KIAA1328: variants seen among roughly 807,000 people sequenced by gnomAD.
The protein encoded by KIAA1328 is KIAA1328.
In KIAA1328, 52 loss-of-function variants were observed where a neutral mutation model predicts 68.1. The ratio of observed to expected loss-of-function variants is 0.76; its 90% CI spans 0.61 to 0.96. KIAA1328 has a LOEUF of 0.96. Ranked by LOEUF, KIAA1328 falls within the 40% of genes least tolerant of loss-of-function variation. The probability of loss-of-function intolerance (pLI) is 0.00; values close to 1 mark genes in which losing one functional copy is unlikely to be tolerated. For missense variants in KIAA1328, 641 were observed against 677.6 expected, an observed-to-expected ratio of 0.95 and a Z score of 0.60; for synonymous variants, 232 against 239.4, an observed-to-expected ratio of 0.97 and a Z score of 0.28.
At chr18:37,200,276 C>A (rs999350997) in intron 9 of KIAA1328, among the ~76,000 whole-genome samples, 2 of 152,190 alleles carry the variant, frequency 1.3e-5, no homozygotes, top group African/African-American at 4.8e-5. Context: ...CGGGCTGATA[C>A]AAAGTTGTTT....
chr18:37,097,474 C>T (rs1193331615), intron 7 of KIAA1328, among the ~76,000 whole-genome samples: 2 of 152,164 alleles, frequency 1.3e-5, no homozygotes, highest in Admixed American at 6.5e-5. Context: ...TTGGTTACTG[C>T]AGCCTTGTAG....
intron 6 of KIAA1328, among the ~76,000 whole-genome samples, chr18:37,010,313 G>T (rs934343227): frequency 1.3e-5 from 2 of 151,602 alleles, no homozygotes; most frequent in Non-Finnish European, 2.9e-5. Context: ...TATGGTGGCA[G>T]GCACCTGTAG....
intron 5 of KIAA1328, among the ~76,000 whole-genome samples, chr18:36,920,739 C>G (rs926120904): frequency 6.6e-6 from 1 of 152,172 alleles, no homozygotes; most frequent in Non-Finnish European, 1.5e-5. Context: ...TGTGTGAACT[C>G]TGGCAGTTGT....
intron 6 of KIAA1328, among the ~76,000 whole-genome samples, chr18:37,017,007 A>T (rs1182365429): frequency 1.1e-4 from 17 of 152,024 alleles, no homozygotes. Flanking sequence ...TTCTTCTGCC[A>T]GTTAGGGATT....
At chr18:37,230,019 C>G (rs2060657800), downstream of KIAA1328, 1 of 153,736 alleles carries the variant, frequency 6.5e-6, no homozygotes, top group African/African-American at 2.4e-5. Context: ...TGGATTCATG[C>G]TAGAACATGT....
intron 6 of KIAA1328, among the ~76,000 whole-genome samples, chr18:37,008,682 G>A (rs55878137): frequency 0.11 from 16,223 of 152,134 alleles, 1,087 homozygotes; most frequent in Non-Finnish European, 0.13. Context: ...ATGGATAGAA[G>A]TTCTCAGCAG....
intron 7 of KIAA1328, among the ~76,000 whole-genome samples, chr18:37,140,196 CT>C (rs2058737166): frequency 6.6e-6 from 1 of 151,744 alleles, no homozygotes; most frequent in East Asian, 1.9e-4. Flanking sequence ...TTTATAATGC[CT>C]TTTCTATGAT....
chr18:36,953,652 G>A (rs1417064736), intron 5 of KIAA1328, among the ~76,000 whole-genome samples: 3 of 152,088 alleles, frequency 2.0e-5, no homozygotes, highest in African/African-American at 7.2e-5. Context: ...GAAGTGGCAA[G>A]TGTCACTCCT....
At chr18:36,930,285 T>C (rs1337935049) in intron 5 of KIAA1328, among the ~76,000 whole-genome samples, 5 of 152,112 alleles carry the variant, frequency 3.3e-5, no homozygotes, top group African/African-American at 1.2e-4. Context: ...GTCCTGTCTC[T>C]CTCTCCTTAG....
At chr18:37,208,664 T>C (rs2060259963) in intron 9 of KIAA1328, among the ~76,000 whole-genome samples, 1 of 152,166 alleles carries the variant, frequency 6.6e-6, no homozygotes, top group Admixed American at 6.5e-5. Flanking sequence ...CCCTGAAATA[T>C]ATAGCACATG....
intron 6 of KIAA1328, among the ~76,000 whole-genome samples, chr18:37,057,258 C>T (rs962011779): frequency 2.6e-5 from 4 of 152,034 alleles, no homozygotes; most frequent in African/African-American, 4.8e-5. Flanking sequence ...TCATCAAGTT[C>T]AGTTGGCAAA....
chr18:37,038,446 T>TA (rs2055116486), intron 6 of KIAA1328, among the ~76,000 whole-genome samples: 1 of 152,178 alleles, frequency 6.6e-6, no homozygotes, highest in Non-Finnish European at 1.5e-5. Context: ...GTAATTTTAT[T>TA]AATTTTATTT....
In KIAA1328 at chr18:37,217,527, C is replaced by T. The variant is rs969288496; in HGVS notation, c.1524-4490C>T. Among the ~76,000 whole-genome samples, 9 of 152,106 alleles carry T rather than the reference C, an allele frequency of 5.9e-5. No individual in the cohort carries two copies. In the East Asian group the frequency reaches 7.7e-4, roughly 13 times the overall value. On this transcript the variant is annotated intron_variant, in intron 9 of 9. Transcript: ENST00000280020. ...CTCTTCTGGCTTGTAGAGTTTCTGC[C>T]GAGAGATCAGCTGTTAGTCCAATGG...
chr18:37,229,885 C>CA (rs1222210750), downstream of KIAA1328: 3,656 of 100,096 alleles, frequency 0.037, 179 homozygotes, highest in African/African-American at 0.13. Flanking sequence ...GACTCCATCT[C>CA]AAAAAAAAAA....
rs562674766 is a variant in KIAA1328, at chr18:36,915,977, C to A, written c.448+30305C>A. ...ATACAAACAGGTAGAGCCACTGTTT[C>A]TGATAAGTGTGTCCCATTAGAATTT... On this transcript the variant is annotated intron_variant, in intron 5 of 9. Coordinates refer to ENST00000280020, the MANE Select transcript of KIAA1328 (RefSeq NM_020776.3). 2.0e-5 allele frequency among the ~76,000 whole-genome samples: 3 copies of A among 152,282 alleles called. No individual in the cohort carries two copies. In the South Asian group the frequency reaches 6.2e-4, roughly 32 times the overall value.
intron 7 of KIAA1328, among the ~76,000 whole-genome samples, chr18:37,143,174 C>T (rs370827853): frequency 1.2e-4 from 18 of 152,148 alleles, no homozygotes; most frequent in Admixed American, 2.0e-4. Flanking sequence ...AGGCTGGTCT[C>T]GAACTCCTGG....
At position 37,222,425 on chromosome 18, in the gene KIAA1328, C is replaced by T. The variant is rs952688274; in HGVS notation, c.*198C>T. On this transcript the variant is annotated 3_prime_UTR_variant, in exon 10 of 10. Transcript: ENST00000280020. Reference sequence around the variant, plus strand: ...ATCAGACCAGGCATTCGATAACACACTAAGGGGGTAGGAATGGAAGATGGT... The same window carrying T: ...ATCAGACCAGGCATTCGATAACACATTAAGGGGGTAGGAATGGAAGATGGT... The T allele has an allele frequency of 7.0e-7, 1 of 1,419,498 alleles. No homozygotes were observed. Among genetic ancestry groups the T allele is most frequent in the African/African-American group, 1.4e-5 (1 of 69,334 alleles). The allele number at this position is 1,419,498 out of a possible 1,614,324, so 87.9% of individuals were successfully genotyped here.
At chr18:37,229,634 G>C (rs1238601258), downstream of KIAA1328, 1 of 1,092,128 alleles carries the variant, frequency 9.2e-7, no homozygotes, top group African/African-American at 1.6e-5. Flanking sequence ...CCAGGCTTTG[G>C]GAGGCCGAGG....
At chr18:36,941,324 G>A (rs1004357742) in intron 5 of KIAA1328, among the ~76,000 whole-genome samples, 4 of 152,124 alleles carry the variant, frequency 2.6e-5, no homozygotes, top group Non-Finnish European at 5.9e-5. Flanking sequence ...GCCAGGTGTG[G>A]TGGCTCATGC....
Sources: allele counts gnomAD v4.1 joint callset (sites outside exome capture counted in the v4.1 genomes callset), GRCh38; gene constraint gnomAD v4.1.1; transcripts MANE v1.5; gene names NCBI Gene and HGNC (gene_info 2026-07-23, HGNC 2026-07-21).